The following ERBB2 variants were observed in gnomAD, a reference collection of about 807,000 sequenced individuals.
The protein encoded by ERBB2 is erb-b2 receptor tyrosine kinase 2, also known as receptor tyrosine-protein kinase erbB-2.
In ERBB2, 61 loss-of-function variants were observed where a neutral mutation model predicts 149.0. That is an observed-to-expected ratio of 0.41 (90% CI 0.33 to 0.51). The LOEUF (loss-of-function observed/expected upper bound fraction) is 0.51, where lower values mean the gene tolerates loss of function less well. Ranked by LOEUF, ERBB2 falls within the 20% of genes least tolerant of loss-of-function variation. ERBB2 has a pLI of 0.25. For missense variants in ERBB2, 1,205 were observed against 1,655.1 expected, an observed-to-expected ratio of 0.73 and a Z score of 4.72; for synonymous variants, 633 against 678.8, an observed-to-expected ratio of 0.93 and a Z score of 1.05.
At chr17:39,706,226 G>A (rs2058430478) in intron 1 of ERBB2, among the ~76,000 whole-genome samples, 1 of 152,220 alleles carries the variant, frequency 6.6e-6, no homozygotes, top group Non-Finnish European at 1.5e-5. Flanking sequence ...CAGCAGTTTC[G>A]TGGCACACAT....
In ERBB2 at chr17:39,709,886, G is replaced by A; in HGVS notation, c.643+5G>A. ...GTTCTGAGGATTGTCAGAGCCGTGA[G>A]TCTCAGGGAGGCCTGGAGTCAGGGA... is the stretch of plus-strand genomic sequence containing the variant. On this transcript the variant is annotated splice_donor_5th_base_variant and intron_variant, in intron 5 of 26. Transcript: ENST00000269571. The A allele has an allele frequency of 6.2e-7, 1 of 1,613,206 alleles. No individual in the cohort carries two copies. The highest frequency in any genetic ancestry group is 8.5e-7 in the Non-Finnish European group (1 of 1,179,830).
upstream of ERBB2, among the ~76,000 whole-genome samples, chr17:39,698,023 C>T (rs191861169): frequency 2.8e-4 from 43 of 152,132 alleles, no homozygotes; most frequent in Admixed American, 7.2e-4. Flanking sequence ...AGAGAGTTTC[C>T]CAAATTATAT....
chr17:39,700,185 G>A lies in ERBB2; in HGVS notation c.-54G>A, dbSNP rs991994225. On this transcript the variant is annotated 5_prime_UTR_variant, in exon 1 of 27. Transcript: ENST00000269571. ...CCCCTCGCAGCACCCCGCGCCCCGCGCCCTCCCAGCCGGGTCCAGCCGGAG... is the reference window on the plus strand; with the variant it reads ...CCCCTCGCAGCACCCCGCGCCCCGCACCCTCCCAGCCGGGTCCAGCCGGAG... 109 of 1,366,836 alleles carry A rather than the reference G, an allele frequency of 8.0e-5. 1 individual carries two copies. The Middle Eastern group carries it at 8.0e-4, about 10-fold the overall frequency. 84.7% of individuals were successfully genotyped at this position (1,366,836 alleles called of 1,614,324 possible). A position where few individuals can be genotyped will look rare whatever the true frequency, so the allele number is the denominator to read the frequency against.
Position 39,716,605 on chromosome 17 carries a change from G to A in ERBB2, c.1737G>A (p.Pro579=), listed in dbSNP as rs1020820535. ...ATGGCTCAGTGACCTGTTTTGGACC[G>A]GTGAGCTGCTGGCGGGCTCAGAGCT... ...PQNGSVTCFG[P]EADQCVACAH... is the part of the protein sequence containing the mutation. The change falls in exon 14 of 27, where the codon CCG becomes CCA. Residue 579 remains proline (P), a splice_region_variant and synonymous_variant. Coordinates refer to ENST00000269571, the MANE Select transcript of ERBB2 (RefSeq NM_004448.4). 3 of 1,613,616 alleles carry A rather than the reference G, an allele frequency of 1.9e-6. No homozygotes were observed. Among genetic ancestry groups the A allele is most frequent in the African/African-American group, 1.3e-5 (1 of 74,898 alleles).
At chr17:39,715,600 C>G (rs1273344877) in intron 11 of ERBB2, 64 bp downstream of exon 11, 1 of 1,571,278 alleles carries the variant, frequency 6.4e-7, no homozygotes, top group South Asian at 1.1e-5. Context: ...CTGTGGGAAG[C>G]TTTGGGCCTG....
chr17:39,717,595 C>CA (rs2059209623), intron 15 of ERBB2, 115 bp downstream of exon 15: 1 of 819,238 alleles, frequency 1.2e-6, no homozygotes, highest in Non-Finnish European at 1.9e-6. Flanking sequence ...TTTCTGATGA[C>CA]AAAAATAACA....
At position 39,710,156 on chromosome 17, in the gene ERBB2, G is replaced by T. The variant is rs1483523641; in HGVS notation, c.714G>T (p.Glu238Asp). The change falls in exon 6 of 27, where the codon GAG becomes GAT. Residue 238 changes from glutamate to aspartate, a missense_variant. Transcript: ENST00000269571. ...KGPLPTDCCH[E>D]QCAAGCTGPK... ...CACTGCCCACTGACTGCTGCCATGA[G>T]CAGTGTGCTGCCGGCTGCACGGGCC... is the stretch of plus-strand genomic sequence containing the variant. 6.2e-7 allele frequency: 1 copy of T among 1,612,622 alleles called. No homozygotes were observed. The highest frequency in any genetic ancestry group is 1.1e-5 in the South Asian group (1 of 91,086).
At chr17:39,707,393 C>T in intron 2 of ERBB2, 1 of 389,546 alleles carries the variant, frequency 2.6e-6, no homozygotes, top group Admixed American at 4.6e-5. Flanking sequence ...ATCTTGTGCT[C>T]TCTTGCCAGC....
rs955594541 is a variant in ERBB2 at position 39,723,258 on chromosome 17, C to T, written c.1947-61C>T. ...AAACACCTTCATGTCCCCCGTGGGC[C>T]CCCTTTGTCCCTCCCACCCCAAACT... On this transcript the variant is annotated intron_variant, in intron 16 of 26. Coordinates refer to ENST00000269571, the MANE Select transcript of ERBB2 (RefSeq NM_004448.4). This position sits in a 1 kb window ranked among gnomAD's most constrained non-coding sequence, Gnocchi z 6.2. 4 of 1,548,402 alleles carry T rather than the reference C, an allele frequency of 2.6e-6. No individual in the cohort carries two copies. Among genetic ancestry groups the T allele is most frequent in the African/African-American group, 1.4e-5 (1 of 73,424 alleles).
intron 1 of ERBB2, among the ~76,000 whole-genome samples, chr17:39,702,338 A>T (rs906097619): frequency 3.3e-5 from 5 of 152,032 alleles, no homozygotes; most frequent in Non-Finnish European, 7.4e-5. Context: ...CAGCACCCAG[A>T]TTTTACCCAA....
rs150056709 is a variant in ERBB2, at chr17:39,725,322, C to G, written c.2650-5C>G. On this transcript the variant is annotated splice_region_variant and splice_polypyrimidine_tract_variant and intron_variant, in intron 21 of 26. Transcript: ENST00000269571. This position sits in a 1 kb window ranked among gnomAD's most constrained non-coding sequence, Gnocchi z 4.6. ...GTTGGAGGACTTCCTCTTCTGCCCT[C>G]CCAGGTGCCCATCAAGTGGATGGCG... is the stretch of plus-strand genomic sequence containing the variant. 907 of 1,614,050 alleles carry G rather than the reference C, an allele frequency of 5.6e-4. 2 individuals are homozygous for G. In the African/African-American group the frequency reaches 0.01, roughly 18 times the overall value.
upstream of ERBB2, among the ~76,000 whole-genome samples, chr17:39,695,722 C>CACACACACACACACACAT (rs1303249688): frequency 8.0e-5 from 12 of 149,192 alleles, no homozygotes; most frequent in African/African-American, 3.0e-4. Context: ...CACACACACA[C>CACACACACACACACACAT]ACACACACAC....
In ERBB2 at chr17:39,710,098, TCTGTGCCGGTGG is replaced by T; in HGVS notation, c.664_675del (p.Gly222_Ala225del). On this transcript the variant is annotated inframe_deletion, in exon 6 of 27. Coordinates refer to ENST00000269571, the MANE Select transcript of ERBB2 (RefSeq NM_004448.4). ...CTTTGCCCAACAGTGACGCGCACTGTCTGTGCCGGTGGCTGTGCCCGCTGCAAGGGGCCACTG... is the reference window on the plus strand; with the variant it reads ...CTTTGCCCAACAGTGACGCGCACTGTCTGTGCCCGCTGCAAGGGGCCACTG... 6.2e-7 allele frequency: 1 copy of T among 1,608,656 alleles called. No homozygotes were observed.
chr17:39,710,449 C>G lies in ERBB2; in HGVS notation c.869C>G (p.Thr290Arg), dbSNP rs2145523546. The change falls in exon 7 of 27, where the codon ACA (threonine) becomes AGA (arginine). Residue 290 changes from threonine to arginine, a missense_variant. Thr to Arg is a moderately conservative substitution (Grantham distance 71). Around this residue, in one of 6 missense-constraint regions of ERBB2, gnomAD observed 569 missense variants for 803.5 expected, o/e 0.71. Coordinates refer to ENST00000269571, the MANE Select transcript of ERBB2 (RefSeq NM_004448.4). ...ATGCCCAATCCCGAGGGCCGGTATA[C>G]ATTCGGCGCCAGCTGTGTGACTGCC... ...ESMPNPEGRY[T>R]FGASCVTACP... is the part of the protein sequence containing the mutation. 1 of 1,614,050 alleles carries G rather than the reference C, an allele frequency of 6.2e-7. No individual in the cohort carries two copies. Among genetic ancestry groups the G allele is most frequent in the Non-Finnish European group, 8.5e-7 (1 of 1,180,032 alleles).
rs2145867367 is a variant in ERBB2, at chr17:39,725,177, G to A, written c.2622G>A (p.Glu874=). 1 of 1,614,094 alleles carries A rather than the reference G, an allele frequency of 6.2e-7. No homozygotes were observed. Among genetic ancestry groups the A allele is most frequent in the Non-Finnish European group, 8.5e-7 (1 of 1,180,036 alleles). Residue 874 remains glutamate, a synonymous_variant, in exon 21 of 27, where the codon GAG becomes GAA. Transcript: ENST00000269571. The surrounding 1 kb of genome is among the most constrained non-coding windows in gnomAD (Gnocchi z 4.6). ...TGGCTCGGCTGCTGGACATTGACGA[G>A]ACAGAGTACCATGCAGATGGGGGCA... ...FGLARLLDID[E]TEYHADGGKV...
chr17:39,727,779 A>G lies in ERBB2; in HGVS notation c.3503A>G (p.Glu1168Gly), dbSNP rs2143295669. 6.2e-7 allele frequency: 1 copy of G among 1,610,522 alleles called. No individual in the cohort carries two copies. Among genetic ancestry groups the G allele is most frequent in the Non-Finnish European group, 8.5e-7 (1 of 1,177,382 alleles). Reference protein sequence around the residue: ...PAARPAGATLERPKTLSPGKN... With the variant: ...PAARPAGATLGRPKTLSPGKN... ...GCCCGACCTGCTGGTGCCACTCTGG[A>G]AAGGCCCAAGACTCTCTCCCCAGGG... Residue 1168 changes from glutamate (E) to glycine (G), a missense_variant, in exon 27 of 27, where the codon GAA becomes GGA. Physicochemically the swap from Glu to Gly is moderately conservative, Grantham distance 98. Coordinates refer to ENST00000269571, the MANE Select transcript of ERBB2 (RefSeq NM_004448.4). The surrounding 1 kb of genome is among the most constrained non-coding windows in gnomAD (Gnocchi z 4.3).
At chr17:39,712,225 T>G (rs766835592) in intron 8 of ERBB2, 97 bp from the exon 9 acceptor site, 28 of 1,555,216 alleles carry the variant, frequency 1.8e-5, no homozygotes, top group Non-Finnish European at 2.3e-5. Flanking sequence ...CCTGTCAGTG[T>G]GGGGAGGGGC....
At chr17:39,717,216 TG>T in intron 14 of ERBB2, 103 bp from the exon 15 acceptor site, 1 of 922,366 alleles carries the variant, frequency 1.1e-6, no homozygotes, top group Non-Finnish European at 1.6e-6. Context: ...AAATTGCTGC[TG>T]GGTGGCCTTG....
In ERBB2 at chr17:39,700,293, G is replaced by A. The variant is rs1486972911; in HGVS notation, c.55G>A (p.Gly19Arg). ...WGLLLALLPP[G>R]AASTQVCTGT... ...GCTCCTCCTCGCCCTCTTGCCCCCCGGAGCCGCGAGCACCCAAGGTGGGTC... is the reference window on the plus strand; with the variant it reads ...GCTCCTCCTCGCCCTCTTGCCCCCCAGAGCCGCGAGCACCCAAGGTGGGTC... Residue 19 changes from glycine to arginine, a missense_variant, in exon 1 of 27, where the codon GGA becomes AGA. By Grantham distance (125) the Gly-to-Arg change is moderately radical. Transcript: ENST00000269571. The A allele has an allele frequency of 2.1e-6, 3 of 1,427,326 alleles. No homozygotes were observed. Among genetic ancestry groups the A allele is most frequent in the Non-Finnish European group, 1.8e-6 (2 of 1,092,198 alleles). The allele number at this position is 1,427,326 out of a possible 1,614,324, so 88.4% of individuals were successfully genotyped here. A position where few individuals can be genotyped will look rare whatever the true frequency, so the allele number is the denominator to read the frequency against.
Sources: gnomAD v4.1 joint callset for allele counts (sites outside exome capture counted in the v4.1 genomes callset) on GRCh38, gnomAD v4.1.1 for gene constraint, gnomAD v4.1.1 regional missense constraint, Gnocchi (gnomAD v3.1) non-coding constraint, MANE v1.5 for transcripts, NCBI Gene and HGNC (gene_info 2026-07-23, HGNC 2026-07-21) for gene names.